Variants in RNGTT observed in about 807,000 individuals in gnomAD.
RNGTT encodes mRNA-capping enzyme.
RNGTT carries 33 observed loss-of-function variants against 79.3 expected under a neutral mutation model. The ratio of observed to expected loss-of-function variants is 0.42; its 90% CI spans 0.32 to 0.56. RNGTT has a LOEUF of 0.56. RNGTT is among the 20% of genes least tolerant of loss of function. RNGTT has a pLI of 0.17. For synonymous variants in RNGTT, 222 were observed against 235.9 expected, an observed-to-expected ratio of 0.94 and a Z score of 0.54; for missense variants, 497 against 739.1, an observed-to-expected ratio of 0.67 and a Z score of 3.80.
Position 88,836,519 on chromosome 6 carries a change from A to C in RNGTT, c.1269+7838T>G, listed in dbSNP as rs142441544. Reference sequence around the variant, plus strand: ...CACTTTGGGAGGTCAAGGTGGGCAGACTGCTTGAGCTCGGGAGTTCAAGAC... The same window carrying C: ...CACTTTGGGAGGTCAAGGTGGGCAGCCTGCTTGAGCTCGGGAGTTCAAGAC... On this transcript the variant is annotated intron_variant, in intron 11 of 15. Transcript: ENST00000369485. 1.8e-3 allele frequency among the ~76,000 whole-genome samples: 276 copies of C among 152,286 alleles called. 2 individuals are homozygous for C. The highest frequency in any genetic ancestry group is 6.4e-3 in the African/African-American group (268 of 41,564).
chr6:88,901,546 G>A (rs890843095), intron 6 of RNGTT, among the ~76,000 whole-genome samples: 6 of 114,270 alleles, frequency 5.3e-5, no homozygotes, highest in Non-Finnish European at 9.9e-5. Flanking sequence ...TCACTCTGTC[G>A]ACCAGGCTGG....
chr6:88,667,318 G>A (rs567682749), intron 14 of RNGTT, among the ~76,000 whole-genome samples: 1 of 152,340 alleles, frequency 6.6e-6, no homozygotes, highest in Admixed American at 6.5e-5. Flanking sequence ...TGCTGGCTGT[G>A]CATGAGACCA....
chr6:88,927,311 G>A (rs765665154), intron 4 of RNGTT, among the ~76,000 whole-genome samples: 6 of 151,896 alleles, frequency 4.0e-5, no homozygotes, highest in East Asian at 3.9e-4. Context: ...CAGATCACCC[G>A]AGGCCAGGAG....
intron 8 of RNGTT, among the ~76,000 whole-genome samples, chr6:88,885,840 C>A (rs1782839103): frequency 6.6e-6 from 1 of 152,184 alleles, no homozygotes; most frequent in Non-Finnish European, 1.5e-5. Flanking sequence ...GAGAATTCAA[C>A]ATTATGTGCC....
chr6:88,736,731 G>A (rs937642032), intron 13 of RNGTT, among the ~76,000 whole-genome samples: 8 of 152,188 alleles, frequency 5.3e-5, no homozygotes, highest in African/African-American at 1.4e-4. Flanking sequence ...AAGAGACTAC[G>A]AAATTATCTG....
chr6:88,860,179 A>T (rs1431287127), intron 8 of RNGTT, among the ~76,000 whole-genome samples: 1 of 152,242 alleles, frequency 6.6e-6, no homozygotes, highest in Non-Finnish European at 1.5e-5. Flanking sequence ...AAGATATTCA[A>T]GTTGCAGACT....
rs150364141 is a variant in RNGTT, at chr6:88,886,771, C to T, written c.896+3724G>A. ...TTCTGAGATTACAGTGGCTTAGTCTCCATCAATTCACCTATTACAACTAAT... is the reference window on the plus strand; with the variant it reads ...TTCTGAGATTACAGTGGCTTAGTCTTCATCAATTCACCTATTACAACTAAT... On this transcript the variant is annotated intron_variant, in intron 8 of 15. Coordinates refer to ENST00000369485, the MANE Select transcript of RNGTT (RefSeq NM_003800.5). Among the ~76,000 whole-genome samples, 12 of 152,258 alleles carry T rather than the reference C, an allele frequency of 7.9e-5. No homozygotes were observed. The East Asian group carries it at 2.1e-3, about 27-fold the overall frequency.
chr6:88,885,500 G>A (rs1312282259), intron 8 of RNGTT, among the ~76,000 whole-genome samples: 1 of 152,092 alleles, frequency 6.6e-6, no homozygotes, highest in Non-Finnish European at 1.5e-5. Context: ...AGAAAATAAA[G>A]AAATGAGAAA....
intron 2 of RNGTT, among the ~76,000 whole-genome samples, chr6:88,934,236 T>C (rs1236638806): frequency 6.6e-6 from 1 of 152,170 alleles, no homozygotes; most frequent in East Asian, 1.9e-4. Flanking sequence ...CTCGTTATGT[T>C]ATCAAGGCTG....
At chr6:88,817,367 C>T (rs1336358400) in intron 11 of RNGTT, among the ~76,000 whole-genome samples, 2 of 151,664 alleles carry the variant, frequency 1.3e-5, no homozygotes, top group African/African-American at 4.8e-5. Context: ...GTGGCCCAGG[C>T]ACAGTGGCTT....
intron 14 of RNGTT, among the ~76,000 whole-genome samples, chr6:88,620,266 C>G (rs777679116): frequency 1.3e-5 from 2 of 152,174 alleles, no homozygotes; most frequent in Non-Finnish European, 2.9e-5. Flanking sequence ...AAAGAAGCAG[C>G]TATAACTCTA....
chr6:88,890,566 G>C lies in RNGTT; in HGVS notation c.825C>G (p.Ser275=), dbSNP rs1783014299. The part of the protein sequence containing the change: ...GSGFPGAQPV[S]MDKQNIKLLD... ...AAAGTTTAATATTTTGCTTGTCCATGGAAACAGGCTGTGCTCCAGGGAATC... is the reference window on the plus strand; with the variant it reads ...AAAGTTTAATATTTTGCTTGTCCATCGAAACAGGCTGTGCTCCAGGGAATC... Residue 275 remains serine (S), a synonymous_variant, in exon 8 of 16, where the codon TCC becomes TCG. Transcript: ENST00000369485. The C allele has an allele frequency of 6.2e-7, 1 of 1,613,486 alleles. No individual in the cohort carries two copies. The highest frequency in any genetic ancestry group is 8.5e-7 in the Non-Finnish European group (1 of 1,179,656).
At chr6:88,829,443 G>A (rs555659345) in intron 11 of RNGTT, among the ~76,000 whole-genome samples, 5 of 152,116 alleles carry the variant, frequency 3.3e-5, no homozygotes, top group Admixed American at 6.5e-5. Context: ...AAAGACCATC[G>A]ACACTATGAA....
At chr6:88,714,900 T>G (rs1284264928) in intron 13 of RNGTT, among the ~76,000 whole-genome samples, 1 of 152,084 alleles carries the variant, frequency 6.6e-6, no homozygotes, top group Non-Finnish European at 1.5e-5. Flanking sequence ...CTTTGAAAAC[T>G]GGCACAAGAC....
At chr6:88,765,248 TAGA>T (rs1479111200) in intron 13 of RNGTT, among the ~76,000 whole-genome samples, 6 of 152,046 alleles carry the variant, frequency 3.9e-5, no homozygotes, top group Non-Finnish European at 8.8e-5. Context: ...TATTTTTTAT[TAGA>T]AGGACAAAAA....
chr6:88,676,896 A>G (rs1258501969), intron 14 of RNGTT, among the ~76,000 whole-genome samples: 2 of 152,144 alleles, frequency 1.3e-5, no homozygotes, highest in Non-Finnish European at 2.9e-5. Context: ...CCCCTCCTAG[A>G]TATTTACCCA....
At chr6:88,925,373 T>G (rs1213661812) in intron 4 of RNGTT, among the ~76,000 whole-genome samples, 1 of 152,002 alleles carries the variant, frequency 6.6e-6, no homozygotes, top group Non-Finnish European at 1.5e-5. Context: ...GGTAGATCAC[T>G]TGAACCCAGG....
At chr6:88,931,148 C>T (rs1286150235) in intron 2 of RNGTT, among the ~76,000 whole-genome samples, 1 of 142,048 alleles carries the variant, frequency 7.0e-6, no homozygotes, top group Admixed American at 7.4e-5. Context: ...ATGAGGGATG[C>T]TCAACCTGTA....
At chr6:88,902,927 C>T (rs1016661687) in intron 6 of RNGTT, among the ~76,000 whole-genome samples, 7 of 152,118 alleles carry the variant, frequency 4.6e-5, no homozygotes, top group African/African-American at 1.7e-4. Flanking sequence ...ATCTCCTGAC[C>T]TCACGATCCA....
Sources: allele counts gnomAD v4.1 joint callset (sites outside exome capture counted in the v4.1 genomes callset), GRCh38; gene constraint gnomAD v4.1.1; transcripts MANE v1.5; gene names NCBI Gene and HGNC (gene_info 2026-07-23, HGNC 2026-07-21).